THRB: variants seen among roughly 807,000 people sequenced by gnomAD.
The protein encoded by THRB is nuclear receptor subfamily 1 group A member 2.
THRB carries 12 observed loss-of-function variants against 47.8 expected under a neutral mutation model. The observed-to-expected ratio is 0.25, with a 90% CI of 0.16 to 0.41. The LOEUF (loss-of-function observed/expected upper bound fraction) is 0.41, where lower values mean the gene tolerates loss of function less well. THRB is among the 10% of genes least tolerant of loss of function. The pLI, the probability that THRB is intolerant of heterozygous loss-of-function variation, is 1.00. For missense variants in THRB, 348 were observed against 589.2 expected, an observed-to-expected ratio of 0.59 and a Z score of 4.24; for synonymous variants, 218 against 212.2, an observed-to-expected ratio of 1.03 and a Z score of -0.24.
At chr3:24,236,000 C>T (rs2048825883) in intron 3 of THRB, among the ~76,000 whole-genome samples, 2 of 152,178 alleles carry the variant, frequency 1.3e-5, no homozygotes, top group Admixed American at 1.3e-4. Flanking sequence ...TCCCACAGCT[C>T]TGTCTGTGGC....
rs1409066792 is a variant in THRB at position 24,284,308 on chromosome 3, C to G, written c.-43+12918G>C. ...TACAACTATCTGATCTTTGACAAAC[C>G]TGAGAAAAACAAGCAATGGGGAAAG... is the stretch of plus-strand genomic sequence containing the variant. On this transcript the variant is annotated intron_variant, in intron 3 of 10. Coordinates refer to ENST00000646209, the MANE Select transcript of THRB (RefSeq NM_001354712.2). Among the ~76,000 whole-genome samples, 3 of 151,636 alleles carry G rather than the reference C, an allele frequency of 2.0e-5. No homozygotes were observed. The South Asian group carries it at 6.3e-4, about 32-fold the overall frequency.
At chr3:24,172,111 C>T (rs931290073) in intron 5 of THRB, among the ~76,000 whole-genome samples, 1 of 152,086 alleles carries the variant, frequency 6.6e-6, no homozygotes, top group African/African-American at 2.4e-5. Flanking sequence ...ATCATAGAAC[C>T]CTGTGTGTAT....
intron 2 of THRB, among the ~76,000 whole-genome samples, chr3:24,312,309 A>C (rs1485627328): frequency 6.6e-6 from 1 of 152,254 alleles, no homozygotes; most frequent in Non-Finnish European, 1.5e-5. Context: ...GCAAGAAAGT[A>C]AAGTCCTCAT....
chr3:24,182,175 T>C (rs1237847528), intron 5 of THRB, among the ~76,000 whole-genome samples: 1 of 152,024 alleles, frequency 6.6e-6, no homozygotes, highest in East Asian at 1.9e-4. Context: ...CACTCCAGCC[T>C]GGGCGACAGA....
intron 1 of THRB, among the ~76,000 whole-genome samples, chr3:24,482,677 G>A (rs1038846222): frequency 7.9e-5 from 12 of 151,892 alleles, no homozygotes; most frequent in African/African-American, 2.7e-4. Flanking sequence ...TCCCTGCTCC[G>A]TGACAGGGCA....
chr3:24,170,044 C>T (rs928351610), intron 5 of THRB, among the ~76,000 whole-genome samples: 1 of 152,150 alleles, frequency 6.6e-6, no homozygotes, highest in Admixed American at 6.6e-5. Context: ...ATCTCCATCG[C>T]AGATGTCACC....
intron 3 of THRB, among the ~76,000 whole-genome samples, chr3:24,236,504 T>C (rs879681832): frequency 2.6e-5 from 4 of 152,112 alleles, no homozygotes; most frequent in South Asian, 4.1e-4. Context: ...CCAGCCTCAA[T>C]CATCCCAAAG....
At chr3:24,197,105 T>C (rs1340194096) in intron 4 of THRB, among the ~76,000 whole-genome samples, 1 of 152,220 alleles carries the variant, frequency 6.6e-6, no homozygotes, top group Admixed American at 6.5e-5. Context: ...CTCATAACTT[T>C]GCAAAGAGAA....
intron 3 of THRB, among the ~76,000 whole-genome samples, chr3:24,255,378 T>C (rs549205152): frequency 1.7e-4 from 26 of 152,318 alleles, no homozygotes; most frequent in African/African-American, 5.8e-4. Flanking sequence ...ACATATACAA[T>C]ACAACACATA....
At chr3:24,427,782 T>A (rs1326411415) in intron 1 of THRB, among the ~76,000 whole-genome samples, 4 of 152,028 alleles carry the variant, frequency 2.6e-5, no homozygotes, top group Non-Finnish European at 5.9e-5. Flanking sequence ...AAATAGTAGA[T>A]TCCTTTCTTG....
At chr3:24,276,041 CT>C (rs1272650929) in intron 3 of THRB, among the ~76,000 whole-genome samples, 488 of 143,374 alleles carry the variant, frequency 3.4e-3, no homozygotes, top group Non-Finnish European at 3.7e-3. Context: ...CAGTCTTCTA[CT>C]TTTTTTTTTT....
At chr3:24,210,373 C>T (rs1386721393) in intron 4 of THRB, among the ~76,000 whole-genome samples, 3 of 151,500 alleles carry the variant, frequency 2.0e-5, no homozygotes, top group Admixed American at 1.3e-4. Context: ...GGGAGATCCC[C>T]GGCTGGTGGA....
At chr3:24,215,501 A>G (rs1280330526) in intron 4 of THRB, among the ~76,000 whole-genome samples, 2 of 152,182 alleles carry the variant, frequency 1.3e-5, no homozygotes, top group Admixed American at 1.3e-4. Flanking sequence ...CCCTGTCTAG[A>G]GATGTTGGTA....
At chr3:24,344,781 C>T (rs2062902616) in intron 1 of THRB, among the ~76,000 whole-genome samples, 1 of 151,902 alleles carries the variant, frequency 6.6e-6, no homozygotes, top group African/African-American at 2.4e-5. Flanking sequence ...TTTAACTCTA[C>T]CCTATTTTGT....
chr3:24,257,990 T>G (rs1294456384), intron 3 of THRB, among the ~76,000 whole-genome samples: 1 of 152,206 alleles, frequency 6.6e-6, no homozygotes, highest in African/African-American at 2.4e-5. Context: ...ATGGACTGCA[T>G]GGAGAATCAG....
intron 2 of THRB, among the ~76,000 whole-genome samples, chr3:24,310,454 C>T (rs1236537491): frequency 6.6e-6 from 1 of 152,214 alleles, no homozygotes; most frequent in Non-Finnish European, 1.5e-5. Flanking sequence ...ATTTGCTCTA[C>T]AGCAGTGATT....
chr3:24,421,397 T>TAA (rs977513858), intron 1 of THRB, among the ~76,000 whole-genome samples: 30 of 151,290 alleles, frequency 2.0e-4, no homozygotes, highest in African/African-American at 6.3e-4. Context: ...TGTAGGAGTC[T>TAA]AATAATAACA....
intron 1 of THRB, among the ~76,000 whole-genome samples, chr3:24,339,044 T>G (rs962724744): frequency 6.6e-6 from 1 of 152,196 alleles, no homozygotes; most frequent in Non-Finnish European, 1.5e-5. Context: ...AAGGCTTGTG[T>G]TTGTAGCAGT....
intron 1 of THRB, among the ~76,000 whole-genome samples, chr3:24,463,682 G>A (rs1292225918): frequency 6.6e-6 from 1 of 152,202 alleles, no homozygotes; most frequent in African/African-American, 2.4e-5. Context: ...TTTTCACTGT[G>A]ATTAGAAATT....
Sources: gnomAD v4.1 joint callset for allele counts (sites outside exome capture counted in the v4.1 genomes callset) on GRCh38, gnomAD v4.1.1 for gene constraint, MANE v1.5 for transcripts, NCBI Gene and HGNC (gene_info 2026-07-23, HGNC 2026-07-21) for gene names.